Variants in CLDN10 observed in about 807,000 individuals in gnomAD.
The protein encoded by CLDN10 is claudin-10.
Under a neutral mutation model 22.9 loss-of-function variants are expected in CLDN10, and 15 were observed. The observed-to-expected ratio is 0.65, with a 90% CI of 0.44 to 1.01. The LOEUF (loss-of-function observed/expected upper bound fraction) is 1.01, where lower values mean the gene tolerates loss of function less well. Ranked by LOEUF, CLDN10 falls within the 50% of genes least tolerant of loss-of-function variation. The probability of loss-of-function intolerance (pLI) is 0.00; values close to 1 mark genes in which losing one functional copy is unlikely to be tolerated. For missense variants in CLDN10, 247 were observed against 287.8 expected, an observed-to-expected ratio of 0.86 and a Z score of 1.03; for synonymous variants, 114 against 111.4, an observed-to-expected ratio of 1.02 and a Z score of -0.15.
intron 1 of CLDN10, among the ~76,000 whole-genome samples, chr13:95,491,187 G>A (rs1223786978): frequency 2.6e-5 from 4 of 152,126 alleles, no homozygotes; most frequent in East Asian, 1.9e-4. Flanking sequence ...CAGAGAGTTG[G>A]TTGGTGAGTT....
intron 1 of CLDN10, among the ~76,000 whole-genome samples, chr13:95,501,886 T>G (rs772661080): frequency 6.6e-6 from 1 of 152,218 alleles, no homozygotes; most frequent in Non-Finnish European, 1.5e-5. Flanking sequence ...TCTTCTCTGT[T>G]TATTGAATAA....
At position 95,577,912 on chromosome 13, in the gene CLDN10, C is replaced by G; in HGVS notation, c.585C>G (p.Asn195Lys). 6.2e-7 allele frequency: 1 copy of G among 1,611,392 alleles called. No homozygotes were observed. The highest frequency in any genetic ancestry group is 8.5e-7 in the Non-Finnish European group (1 of 1,177,944). The change falls in exon 5 of 5, where the codon AAC (asparagine) becomes AAG (lysine). Residue 195 changes from asparagine to lysine, a missense_variant. Physicochemically the swap from Asn to Lys is moderately conservative, Grantham distance 94. Transcript: ENST00000299339. ...DNNKTPRYTYNGATSVMSSRT... is the reference protein window; with the variant it reads ...DNNKTPRYTYKGATSVMSSRT... ...TTTTACCTTTCAGATACACATACAA[C>G]GGGGCCACATCTGTCATGTCTTCTC...
At chr13:95,563,095 A>ACTCTCTTTCTCTCT (rs2043737808) in intron 3 of CLDN10, among the ~76,000 whole-genome samples, 1 of 128,066 alleles carries the variant, frequency 7.8e-6, no homozygotes, top group Non-Finnish European at 1.6e-5. Context: ...CTGCCTACCC[A>ACTCTCTTTCTCTCT]CTCTCTCTCT....
chr13:95,577,825 C>G, intron 4 of CLDN10, 75 bp from the exon 5 acceptor site: 2 of 866,730 alleles, frequency 2.3e-6, no homozygotes, highest in East Asian at 5.0e-5. Context: ...CAGAGACAGG[C>G]CGAAACAGTT....
intron 3 of CLDN10, among the ~76,000 whole-genome samples, chr13:95,572,234 A>T (rs2138681024): frequency 6.6e-6 from 1 of 152,302 alleles, no homozygotes; most frequent in East Asian, 1.9e-4. Flanking sequence ...GGAGAGAGAC[A>T]ACTCCGATCT....
intron 1 of CLDN10, among the ~76,000 whole-genome samples, chr13:95,517,642 T>C (rs182726612): frequency 1.2e-3 from 176 of 152,204 alleles, no homozygotes; most frequent in Non-Finnish European, 2.2e-3. Context: ...GTCTTACCAA[T>C]TGAGAGACTG....
In CLDN10 at chr13:95,552,780, C is replaced by T; in HGVS notation, c.27C>T (p.Ile9=). 4 of 1,613,328 alleles carry T rather than the reference C, an allele frequency of 2.5e-6. No individual in the cohort carries two copies. Among genetic ancestry groups the T allele is most frequent in the Non-Finnish European group, 3.4e-6 (4 of 1,179,824 alleles). Residue 9 remains isoleucine, a synonymous_variant, in exon 1 of 5, where the codon ATC becomes ATT. Coordinates refer to ENST00000299339, the MANE Select transcript of CLDN10 (RefSeq NM_006984.5). ...TGGCTAGCACGGCTTCGGAGATCAT[C>T]GCCTTCATGGTCTCCATCTCAGGCT... The part of the protein sequence containing the change: MASTASEI[I]AFMVSISGWV...
intron 1 of CLDN10, among the ~76,000 whole-genome samples, chr13:95,489,314 C>A (rs958427629): frequency 6.6e-5 from 10 of 152,116 alleles, no homozygotes; most frequent in Non-Finnish European, 1.0e-4. Context: ...CTGTTTTCCA[C>A]TGTGGCTAGT....
At chr13:95,572,520 A>T (rs2043876947) in intron 3 of CLDN10, among the ~76,000 whole-genome samples, 1 of 152,148 alleles carries the variant, frequency 6.6e-6, no homozygotes, top group African/African-American at 2.4e-5. Flanking sequence ...GAATATGGTA[A>T]TATTTGTGAA....
At chr13:95,522,853 A>G (rs978916962) in intron 1 of CLDN10, among the ~76,000 whole-genome samples, 1 of 151,982 alleles carries the variant, frequency 6.6e-6, no homozygotes, top group African/African-American at 2.4e-5. Context: ...TAGTTTGTCT[A>G]ATATTAATAG....
At chr13:95,549,430 C>A (rs2043542469), upstream of CLDN10, among the ~76,000 whole-genome samples, 4 of 152,126 alleles carry the variant, frequency 2.6e-5, no homozygotes, top group Admixed American at 2.6e-4. Flanking sequence ...GACATTTATC[C>A]ATTACTTCTT....
chr13:95,482,768 G>A (rs1238522720), intron 1 of CLDN10, among the ~76,000 whole-genome samples: 1 of 152,192 alleles, frequency 6.6e-6, no homozygotes, highest in African/African-American at 2.4e-5. Flanking sequence ...CCTGAGGTCA[G>A]GAGTTTGAGA....
chr13:95,501,376 C>T (rs767463570), intron 1 of CLDN10, among the ~76,000 whole-genome samples: 17 of 152,108 alleles, frequency 1.1e-4, no homozygotes, highest in Non-Finnish European at 2.2e-4. Context: ...TACAGTGGTG[C>T]GGTCGTAGCT....
At chr13:95,498,549 C>T (rs2042951377) in intron 1 of CLDN10, among the ~76,000 whole-genome samples, 1 of 152,062 alleles carries the variant, frequency 6.6e-6, no homozygotes, top group African/African-American at 2.4e-5. Context: ...CACAAGCCAC[C>T]ACGCCTGGCT....
intron 1 of CLDN10, among the ~76,000 whole-genome samples, chr13:95,440,837 A>G (rs534906713): frequency 3.7e-4 from 57 of 152,392 alleles, no homozygotes; most frequent in African/African-American, 1.3e-3. Flanking sequence ...CAATGCTGAA[A>G]AGTGCCCTAG....
At chr13:95,538,015 T>C (rs1489878954) in intron 1 of CLDN10, among the ~76,000 whole-genome samples, 1 of 152,234 alleles carries the variant, frequency 6.6e-6, no homozygotes, top group East Asian at 1.9e-4. Flanking sequence ...GCCCTTTTTA[T>C]GCACCAGTCT....
At chr13:95,514,556 A>C (rs1267344643) in intron 1 of CLDN10, among the ~76,000 whole-genome samples, 1 of 152,128 alleles carries the variant, frequency 6.6e-6, no homozygotes, top group Non-Finnish European at 1.5e-5. Context: ...GAGAGGAGTA[A>C]AAGTGTTTCA....
At chr13:95,516,089 A>G (rs1014469054) in intron 1 of CLDN10, among the ~76,000 whole-genome samples, 1 of 152,114 alleles carries the variant, frequency 6.6e-6, no homozygotes, top group Non-Finnish European at 1.5e-5. Context: ...AAAAAAGAAA[A>G]AAAAAAAAGA....
chr13:95,518,984 C>T (rs2043198373), intron 1 of CLDN10, among the ~76,000 whole-genome samples: 1 of 151,982 alleles, frequency 6.6e-6, no homozygotes, highest in African/African-American at 2.4e-5. Context: ...ATTGTTGAGG[C>T]CTCCATGAGT....
Sources: allele counts gnomAD v4.1 joint callset (sites outside exome capture counted in the v4.1 genomes callset), GRCh38; gene constraint gnomAD v4.1.1; transcripts MANE v1.5; gene names NCBI Gene and HGNC (gene_info 2026-07-23, HGNC 2026-07-21).